The following MACO1 variants were observed in gnomAD, a reference collection of about 807,000 sequenced individuals.
The protein encoded by MACO1 is macoilin 1.
In MACO1, 14 loss-of-function variants were observed where a neutral mutation model predicts 78.7. The ratio of observed to expected loss-of-function variants is 0.18; its 90% confidence interval spans 0.12 to 0.28. The LOEUF (loss-of-function observed/expected upper bound fraction) is 0.28. Among genes scored for constraint, MACO1 ranks in the 10% least tolerant of loss-of-function variants. MACO1 has a pLI of 1.00. For missense variants in MACO1, 501 were observed against 799.0 expected, an observed-to-expected ratio of 0.63 and a Z score of 4.50; for synonymous variants, 288 against 291.6, an observed-to-expected ratio of 0.99 and a Z score of 0.12.
chr1:25,438,467 A>T (rs1309916375), intron 1 of MACO1, among the ~76,000 whole-genome samples: 3 of 152,244 alleles, frequency 2.0e-5, no homozygotes, highest in Admixed American at 6.5e-5. Context: ...TAGGAAACAA[A>T]CCTGAGGAAT....
chr1:25,438,915 TA>T (rs2042942994), intron 1 of MACO1, among the ~76,000 whole-genome samples: 1 of 145,792 alleles, frequency 6.9e-6, no homozygotes, highest in Non-Finnish European at 1.5e-5. Context: ...TAAAATAAAA[TA>T]AAAAACTAAA....
Position 25,482,135 on chromosome 1 carries a change from C to T in MACO1, c.1155-1981C>T, listed in dbSNP as rs1230707050. On this transcript the variant is annotated intron_variant, in intron 6 of 10. Transcript: ENST00000374343. ...CCATTGCCCTTCAGAAATCTTGGTT[C>T]TGTTGGTATGTTGAATTAGTGACAT... Among the ~76,000 whole-genome samples, 3 of 152,092 alleles carry T rather than the reference C, an allele frequency of 2.0e-5. No individual in the cohort carries two copies. The East Asian group carries it at 5.8e-4, about 29-fold the overall frequency.
At chr1:25,452,304 T>C (rs1476126407) in intron 3 of MACO1, among the ~76,000 whole-genome samples, 5 of 152,226 alleles carry the variant, frequency 3.3e-5, no homozygotes, top group Admixed American at 2.0e-4. Context: ...TTCATAAATA[T>C]CCCGTTATTA....
At chr1:25,447,900 C>T (rs2043030179) in intron 2 of MACO1, among the ~76,000 whole-genome samples, 2 of 152,142 alleles carry the variant, frequency 1.3e-5, no homozygotes, top group South Asian at 4.1e-4. Flanking sequence ...ATAACTCCCA[C>T]CCAGGCCTGG....
intron 1 of MACO1, among the ~76,000 whole-genome samples, chr1:25,432,796 A>T (rs952112086): frequency 4.6e-5 from 7 of 152,228 alleles, no homozygotes; most frequent in African/African-American, 1.4e-4. Flanking sequence ...GTAACATAAG[A>T]TGATGTACCT....
chr1:25,490,167 CATA>C (rs71808843), intron 9 of MACO1, among the ~76,000 whole-genome samples: 44,946 of 151,836 alleles, frequency 0.3, 8,511 homozygotes, highest in Non-Finnish European at 0.43. Flanking sequence ...AAGCAAAAAT[CATA>C]ATAATAAATG....
chr1:25,465,936 C>T (rs2043215598), intron 6 of MACO1, among the ~76,000 whole-genome samples: 1 of 152,176 alleles, frequency 6.6e-6, no homozygotes, highest in Non-Finnish European at 1.5e-5. Context: ...CTGCAAAAGA[C>T]ATAATTTCAT....
intron 10 of MACO1, among the ~76,000 whole-genome samples, chr1:25,493,021 A>G (rs2043500741): frequency 6.6e-6 from 1 of 152,108 alleles, no homozygotes; most frequent in African/African-American, 2.4e-5. Context: ...CCTTGTGTCT[A>G]AAATAAAGAA....
chr1:25,462,214 G>A (rs919780501), intron 6 of MACO1, among the ~76,000 whole-genome samples: 5 of 152,162 alleles, frequency 3.3e-5, no homozygotes, highest in African/African-American at 9.7e-5. Flanking sequence ...GCTTCTGCAG[G>A]CATACTTGGG....
At chr1:25,440,892 G>A (rs186711619) in intron 1 of MACO1, among the ~76,000 whole-genome samples, 10 of 152,224 alleles carry the variant, frequency 6.6e-5, no homozygotes, top group East Asian at 1.9e-4. Context: ...GAGAACCACC[G>A]CTGTCGTCAG....
rs368651489 is a variant in MACO1, at chr1:25,485,151, G to A, written c.1314-462G>A. Among the ~76,000 whole-genome samples, 1 of 152,212 alleles carries A rather than the reference G, an allele frequency of 6.6e-6. No individual in the cohort carries two copies. Among genetic ancestry groups the A allele is most frequent in the Admixed American group, 6.5e-5 (1 of 15,282 alleles). On this transcript the variant is annotated intron_variant, in intron 7 of 10. Transcript: ENST00000374343. The surrounding 1 kb of genome is among the most constrained non-coding windows in gnomAD (Gnocchi z 4.3). The stretch of plus-strand genomic sequence containing the variant: ...CATCCTGAGCTGGAAAGGAAAAGCT[G>A]TAGTAGGCTACAGCAAAATTGTATT...
chr1:25,496,529 C>T (rs1033835952), intron 10 of MACO1, among the ~76,000 whole-genome samples: 2 of 152,050 alleles, frequency 1.3e-5, no homozygotes, highest in Non-Finnish European at 2.9e-5. Flanking sequence ...TCTGGTCTCC[C>T]TAGAAGACCA....
In MACO1 at chr1:25,500,138, C is replaced by T. The variant is rs973440796; in HGVS notation, c.*1672C>T. The T allele has an allele frequency of 4.6e-5, 7 of 151,642 alleles. No individual in the cohort carries two copies. Among genetic ancestry groups the T allele is most frequent in the African/African-American group, 1.7e-4 (7 of 41,156 alleles). 9.4% of individuals were successfully genotyped at this position (151,642 alleles called of 1,614,324 possible). ...GCCTTTTGGGACACTTCGTTAAATACTGGTCTTGGCTGCATTCTTTTTTTT... is the reference window on the plus strand; with the variant it reads ...GCCTTTTGGGACACTTCGTTAAATATTGGTCTTGGCTGCATTCTTTTTTTT... On this transcript the variant is annotated 3_prime_UTR_variant, in exon 11 of 11. Transcript: ENST00000374343.
intron 6 of MACO1, among the ~76,000 whole-genome samples, chr1:25,477,905 C>G (rs982593421): frequency 6.6e-6 from 1 of 152,224 alleles, no homozygotes; most frequent in Non-Finnish European, 1.5e-5. Flanking sequence ...CCTACCTTTT[C>G]AGATACTTAA....
intron 6 of MACO1, among the ~76,000 whole-genome samples, chr1:25,471,216 G>A (rs1362295222): frequency 6.6e-6 from 1 of 151,690 alleles, no homozygotes; most frequent in Non-Finnish European, 1.5e-5. Context: ...GCGGGTGCCT[G>A]TAATCCCAGC....
intron 3 of MACO1, 131 bp from the exon 4 acceptor site, chr1:25,454,128 G>T: frequency 9.1e-7 from 1 of 1,101,690 alleles, no homozygotes. Flanking sequence ...GTTTGGATCA[G>T]TTTGCCTTTT....
intron 6 of MACO1, among the ~76,000 whole-genome samples, chr1:25,462,249 A>G (rs889444455): frequency 2.0e-5 from 3 of 152,080 alleles, no homozygotes; most frequent in African/African-American, 7.2e-5. Context: ...CAGGCCAACA[A>G]ACTTCCCCAG....
At chr1:25,458,954 A>G in intron 6 of MACO1, 62 bp downstream of exon 6, 2 of 1,546,176 alleles carry the variant, frequency 1.3e-6, no homozygotes, top group South Asian at 1.3e-5. Context: ...CTCTTGACAT[A>G]CTCCCATATG....
chr1:25,436,799 C>T (rs988253974), intron 1 of MACO1, among the ~76,000 whole-genome samples: 15 of 152,202 alleles, frequency 9.9e-5, no homozygotes, highest in Non-Finnish European at 4.4e-5. Context: ...AGGCACTTGT[C>T]TTCCCTGGCC....
Sources: gnomAD v4.1 joint callset for allele counts (sites outside exome capture counted in the v4.1 genomes callset) on GRCh38, gnomAD v4.1.1 for gene constraint, Gnocchi (gnomAD v3.1) non-coding constraint, MANE v1.5 for transcripts, NCBI Gene and HGNC (gene_info 2026-07-23, HGNC 2026-07-21) for gene names.